Variants in PKD2 observed in about 807,000 individuals in gnomAD.
The protein encoded by PKD2 is polycystin-2.
In PKD2, 48 loss-of-function variants were observed where a neutral mutation model predicts 105.9. The observed-to-expected ratio is 0.45, with a 90% CI of 0.36 to 0.58. PKD2 has a LOEUF of 0.58. Ranked by LOEUF, PKD2 falls within the 20% of genes least tolerant of loss-of-function variation. The pLI, the probability that PKD2 is intolerant of heterozygous loss-of-function variation, is 0.00. For synonymous variants in PKD2, 464 were observed against 481.1 expected (o/e 0.96, Z 0.46); for missense variants, 1,078 against 1,255.3 (o/e 0.86, Z 2.13).
intron 1 of PKD2, among the ~76,000 whole-genome samples, chr4:88,011,654 G>A (rs970525296): frequency 6.6e-6 from 1 of 151,724 alleles, no homozygotes; most frequent in Non-Finnish European, 1.5e-5. Context: ...CTTCCCTTTC[G>A]ATGTCTAAAG....
At chr4:88,070,912 G>T (rs774296742) in intron 13 of PKD2, among the ~76,000 whole-genome samples, 10 of 151,976 alleles carry the variant, frequency 6.6e-5, no homozygotes, top group Non-Finnish European at 1.2e-4. Context: ...TGGGGTCACA[G>T]GTATGAGCCA....
At chr4:88,045,532 AG>A (rs1279913037) in intron 5 of PKD2, among the ~76,000 whole-genome samples, 2 of 152,214 alleles carry the variant, frequency 1.3e-5, no homozygotes, top group African/African-American at 4.8e-5. Flanking sequence ...GATGGCTAGT[AG>A]CTGACTAAAG....
chr4:88,059,707 C>T (rs984029362), intron 9 of PKD2, among the ~76,000 whole-genome samples: 7 of 152,044 alleles, frequency 4.6e-5, no homozygotes, highest in African/African-American at 1.7e-4. Context: ...GCTCTCCTTG[C>T]ACCTCCCAGA....
At chr4:88,069,667 G>A (rs930686623) in intron 13 of PKD2, among the ~76,000 whole-genome samples, 12 of 151,908 alleles carry the variant, frequency 7.9e-5, no homozygotes, top group African/African-American at 2.9e-4. Context: ...ATAACACACT[G>A]TGTAATATAT....
chr4:88,014,937 G>A (rs1726509657), intron 1 of PKD2, among the ~76,000 whole-genome samples: 1 of 152,158 alleles, frequency 6.6e-6, no homozygotes. Flanking sequence ...TTTAGATGAG[G>A]AAGTGGAGGC....
At chr4:88,030,662 T>G (rs1727113993) in intron 2 of PKD2, among the ~76,000 whole-genome samples, 1 of 152,222 alleles carries the variant, frequency 6.6e-6, no homozygotes, top group South Asian at 2.1e-4. Context: ...AGCTTAGTGG[T>G]GCCCACCCGA....
At chr4:88,074,687 TAGAA>T in intron 13 of PKD2, 121 bp from the exon 14 acceptor site, 3 of 1,010,142 alleles carry the variant, frequency 3.0e-6, no homozygotes, top group Non-Finnish European at 4.6e-6. Context: ...TGAGACAACT[TAGAA>T]AGTGTTTCAA....
At chr4:88,030,558 G>C (rs1231843963) in intron 2 of PKD2, among the ~76,000 whole-genome samples, 1 of 152,176 alleles carries the variant, frequency 6.6e-6, no homozygotes, top group East Asian at 1.9e-4. Flanking sequence ...CAAACCACTT[G>C]TGATCTCAAA....
intron 7 of PKD2, among the ~76,000 whole-genome samples, chr4:88,054,822 T>A (rs916709271): frequency 2.0e-5 from 3 of 151,160 alleles, no homozygotes; most frequent in Non-Finnish European, 4.4e-5. Flanking sequence ...GCCCGGCTAA[T>A]TTTTTATATT....
chr4:88,070,428 G>A (rs1006728057), intron 13 of PKD2, among the ~76,000 whole-genome samples: 2 of 151,604 alleles, frequency 1.3e-5, no homozygotes, highest in Admixed American at 1.3e-4. Flanking sequence ...CTTAGGCTCT[G>A]TTCGTCGTCA....
chr4:88,023,398 T>C (rs900296440), intron 2 of PKD2, among the ~76,000 whole-genome samples: 2 of 152,140 alleles, frequency 1.3e-5, no homozygotes, highest in Non-Finnish European at 2.9e-5. Flanking sequence ...GGTACTAAAT[T>C]CCTGAGAAAT....
Position 88,056,265 on chromosome 4 carries a change from T to C in PKD2, c.1896T>C (p.Cys632=). ...QVDDFSTFQE[C]IFTQFRIILG... ...ATGACTTCAGTACTTTCCAAGAGTG[T>C]ATGTAAGTATATATGAAATTAAGAA... Residue 632 remains cysteine, a splice_region_variant and synonymous_variant, in exon 8 of 15, where the codon TGT becomes TGC. Coordinates refer to ENST00000237596, the MANE Select transcript of PKD2 (RefSeq NM_000297.4). 1 of 1,595,548 alleles carries C rather than the reference T, an allele frequency of 6.3e-7. No homozygotes were observed. The highest frequency in any genetic ancestry group is 8.6e-7 in the Non-Finnish European group (1 of 1,164,398).
At chr4:88,029,335 A>G (rs545915306) in intron 2 of PKD2, among the ~76,000 whole-genome samples, 3 of 152,144 alleles carry the variant, frequency 2.0e-5, no homozygotes, top group East Asian at 3.9e-4. Context: ...TAATGCTTCA[A>G]CTAGTACTTG....
intron 1 of PKD2, 112 bp downstream of exon 1, chr4:88,008,440 G>C (rs1466490353): frequency 1.0e-5 from 13 of 1,302,136 alleles, no homozygotes; most frequent in Admixed American, 6.5e-5. Context: ...TCCCCTCTGC[G>C]TTCCGCCTCC....
At chr4:88,029,580 C>T (rs548878099) in intron 2 of PKD2, among the ~76,000 whole-genome samples, 1 of 152,294 alleles carries the variant, frequency 6.6e-6, no homozygotes, top group South Asian at 2.1e-4. Flanking sequence ...CAGAGGCTCT[C>T]TAATCTGTCT....
intron 2 of PKD2, among the ~76,000 whole-genome samples, chr4:88,023,084 C>CA (rs1726819397): frequency 6.7e-6 from 1 of 149,206 alleles, no homozygotes. Flanking sequence ...GACCCTGTCT[C>CA]AAAAAATAAA....
rs201598917 is a variant in PKD2, at chr4:88,074,832, G to A, written c.2543G>A (p.Arg848Gln). The A allele has an allele frequency of 4.2e-5, 68 of 1,614,040 alleles. No homozygotes were observed. In the East Asian group the frequency reaches 1.1e-3, roughly 26 times the overall value. ...TGCAGCCTGGTGAGACGAGTGGACC[G>A]GATGGAGCATTCCATCGGCAGCATA... ...EFQVLVRRVD[R>Q]MEHSIGSIVS... The change falls in exon 14 of 15, where the codon CGG (arginine) becomes CAG (glutamine). Residue 848 changes from arginine (R) to glutamine (Q), a missense_variant. This residue lies in a region of PKD2 where 868 missense variants were observed against 1,067.3 expected (regional missense o/e 0.81). Coordinates refer to ENST00000237596, the MANE Select transcript of PKD2 (RefSeq NM_000297.4).
intron 1 of PKD2, 26 bp from the exon 2 acceptor site, chr4:88,019,427 ATCTTT>A (rs1351048069): frequency 2.7e-6 from 3 of 1,093,028 alleles, no homozygotes; most frequent in Middle Eastern, 2.0e-4. Flanking sequence ...ATAAAATGAT[ATCTTT>A]TCTTTTCTTC....
At chr4:88,050,891 G>A (rs1220246806) in intron 6 of PKD2, among the ~76,000 whole-genome samples, 1 of 152,204 alleles carries the variant, frequency 6.6e-6, no homozygotes, top group Non-Finnish European at 1.5e-5. Flanking sequence ...TCTTTGCTAT[G>A]AGAATCAGTG....
Sources: allele counts gnomAD v4.1 joint callset (sites outside exome capture counted in the v4.1 genomes callset), GRCh38; gene constraint gnomAD v4.1.1; regional missense constraint gnomAD v4.1.1; transcripts MANE v1.5; gene names NCBI Gene and HGNC (gene_info 2026-07-23, HGNC 2026-07-21).